The following MTOR variants were observed in gnomAD, a reference collection of about 807,000 sequenced individuals.
MTOR encodes the protein mechanistic target of rapamycin kinase.
MTOR carries 70 observed loss-of-function variants against 319.8 expected under a neutral mutation model. The observed-to-expected ratio is 0.22, with a 90% confidence interval of 0.18 to 0.27. The LOEUF (loss-of-function observed/expected upper bound fraction) is 0.27. Among genes scored for constraint, MTOR ranks in the 10% least tolerant of loss-of-function variants. The pLI, the probability that MTOR is intolerant of heterozygous loss-of-function variation, is 1.00. For synonymous variants in MTOR, 1,183 were observed against 1,211.4 expected (o/e 0.98, Z 0.49); for missense variants, 1,890 against 3,274.4 (o/e 0.58, Z 10.32).
At chr1:11,221,827 TAGTAA>T (rs200715715) in intron 19 of MTOR, among the ~76,000 whole-genome samples, 1,785 of 150,374 alleles carry the variant, frequency 0.012, 47 homozygotes, top group African/African-American at 0.04. Flanking sequence ...AACACACAAG[TAGTAA>T]AGTAAATGAC....
At chr1:11,142,115 G>T (rs1001802963) in intron 34 of MTOR, among the ~76,000 whole-genome samples, 3 of 152,124 alleles carry the variant, frequency 2.0e-5, no homozygotes, top group East Asian at 3.8e-4. Flanking sequence ...GGTTGGGGAC[G>T]GCTGCCTAAG....
intron 29 of MTOR, among the ~76,000 whole-genome samples, chr1:11,160,969 G>A (rs761494592): frequency 5.9e-5 from 9 of 152,166 alleles, no homozygotes; most frequent in Non-Finnish European, 1.2e-4. Flanking sequence ...TGGAATGTAA[G>A]CCAAAGCAGG....
intron 28 of MTOR, among the ~76,000 whole-genome samples, chr1:11,173,283 C>G (rs1278796704): frequency 1.3e-5 from 2 of 151,956 alleles, no homozygotes; most frequent in Non-Finnish European, 2.9e-5. Flanking sequence ...TGTGAGCCAC[C>G]TCGCCTAGCC....
In MTOR at chr1:11,130,194, A is replaced by T. The variant is rs1643061844; in HGVS notation, c.5613+335T>A. ...AGTGGAAGTGGAGAGAAAAAGGCAG[A>T]GGATGGACCTCCCAAGCCCCATCCT... is the stretch of plus-strand genomic sequence containing the variant. On this transcript the variant is annotated intron_variant, in intron 39 of 57. Transcript: ENST00000361445. 3.9e-5 allele frequency among the ~76,000 whole-genome samples: 6 copies of T among 152,310 alleles called. No homozygotes were observed. In the South Asian group the frequency reaches 1.2e-3, roughly 32 times the overall value.
chr1:11,108,653 C>T (rs1019375169), intron 56 of MTOR, among the ~76,000 whole-genome samples: 12 of 146,050 alleles, frequency 8.2e-5, no homozygotes, highest in Non-Finnish European at 1.3e-4. Context: ...GTGGAGGTTG[C>T]AGTGGGCCAA....
intron 29 of MTOR, among the ~76,000 whole-genome samples, chr1:11,159,158 A>G (rs1266775100): frequency 6.6e-6 from 1 of 152,210 alleles, no homozygotes. Context: ...TGTCTCAATC[A>G]GCACTTTCTG....
At chr1:11,217,132 G>C (rs1258247692) in intron 19 of MTOR, among the ~76,000 whole-genome samples, 1 of 152,064 alleles carries the variant, frequency 6.6e-6, no homozygotes, top group East Asian at 1.9e-4. Flanking sequence ...ATGTCTCTGA[G>C]AGATTATGAG....
At chr1:11,171,707 A>G (rs1006736870) in intron 28 of MTOR, among the ~76,000 whole-genome samples, 2 of 152,086 alleles carry the variant, frequency 1.3e-5, no homozygotes, top group Non-Finnish European at 2.9e-5. Context: ...TTTGCAAATT[A>G]AAAATGTAAA....
chr1:11,205,190 T>C (rs540086276), intron 25 of MTOR, among the ~76,000 whole-genome samples: 6 of 151,866 alleles, frequency 4.0e-5, no homozygotes, highest in African/African-American at 1.5e-4. Context: ...GAAAAAGGGG[T>C]TGAACAGATT....
Position 11,109,438 on chromosome 1 carries a change from G to T in MTOR, c.7448-68C>A. 2 of 1,437,358 alleles carry T rather than the reference G, an allele frequency of 1.4e-6. No individual in the cohort carries two copies. Among genetic ancestry groups the T allele is most frequent in the Middle Eastern group, 1.8e-4 (1 of 5,626 alleles). 89.0% of individuals were successfully genotyped at this position (1,437,358 alleles called of 1,614,324 possible). A position where few individuals can be genotyped will look rare whatever the true frequency, so the allele number is the denominator to read the frequency against. ...ATACAACAGGTTCAATGGGTGCCCTGTTTTTCTCAAATATTCACTTTTGTA... is the reference window on the plus strand; with the variant it reads ...ATACAACAGGTTCAATGGGTGCCCTTTTTTTCTCAAATATTCACTTTTGTA... On this transcript the variant is annotated intron_variant, in intron 55 of 57. Coordinates refer to ENST00000361445, the MANE Select transcript of MTOR (RefSeq NM_004958.4). The surrounding 1 kb of genome is among the most constrained non-coding windows in gnomAD (Gnocchi z 4.0).
chr1:11,112,734 A>G, intron 54 of MTOR, 118 bp downstream of exon 54: 1 of 1,066,400 alleles, frequency 9.4e-7, no homozygotes, highest in Non-Finnish European at 1.4e-6. Context: ...CACTCTGCAC[A>G]AGGGGGAGAG....
chr1:11,126,915 C>A (rs1304567647), intron 45 of MTOR, 95 bp downstream of exon 45: 1 of 1,577,514 alleles, frequency 6.3e-7, no homozygotes, highest in Non-Finnish European at 8.6e-7. Context: ...GAAGTAAAAC[C>A]AGATGCTTTG....
In MTOR at chr1:11,213,256, T is replaced by C. The variant is rs972894894; in HGVS notation, c.3285+143A>G. The stretch of plus-strand genomic sequence containing the variant: ...ACAGACATTCTGTAAACTGCACACA[T>C]TGGGTATTAGTATTCTTGGGATTCT... On this transcript the variant is annotated intron_variant, in intron 21 of 57. Coordinates refer to ENST00000361445, the MANE Select transcript of MTOR (RefSeq NM_004958.4). The C allele has an allele frequency of 3.8e-6, 3 of 784,712 alleles. No individual in the cohort carries two copies. The African/African-American group carries it at 5.2e-5, about 14-fold the overall frequency. The allele number at this position is 784,712 out of a possible 1,614,324, so 48.6% of individuals were successfully genotyped here.
chr1:11,206,378 G>C (rs1274133772), intron 25 of MTOR, among the ~76,000 whole-genome samples: 2 of 152,206 alleles, frequency 1.3e-5, no homozygotes, highest in Non-Finnish European at 2.9e-5. Context: ...CTGGAGTCAT[G>C]CTATCTAGGT....
chr1:11,111,026 G>C (rs1363517051), intron 54 of MTOR: 1 of 433,106 alleles, frequency 2.3e-6, no homozygotes, highest in Non-Finnish European at 4.6e-6. Flanking sequence ...ACCAGTATAA[G>C]CTCCCCCAGA....
At chr1:11,262,141 C>T (rs1043153878) in intron 1 of MTOR, among the ~76,000 whole-genome samples, 5 of 152,136 alleles carry the variant, frequency 3.3e-5, no homozygotes, top group Non-Finnish European at 5.9e-5. Flanking sequence ...ATACGTGGCT[C>T]AAAAGAAAGG....
intron 19 of MTOR, among the ~76,000 whole-genome samples, chr1:11,220,537 G>C (rs1646628747): frequency 6.6e-6 from 1 of 152,162 alleles, no homozygotes; most frequent in African/African-American, 2.4e-5. Flanking sequence ...CTCTAATATG[G>C]AAGACAGGGT....
chr1:11,253,769 G>A, intron 6 of MTOR, 70 bp downstream of exon 6: 1 of 1,569,818 alleles, frequency 6.4e-7, no homozygotes, highest in East Asian at 2.2e-5. Context: ...TGAGGACATG[G>A]ATCTCGCCTT....
intron 28 of MTOR, among the ~76,000 whole-genome samples, chr1:11,190,537 A>G (rs2100704314): frequency 6.6e-6 from 1 of 152,310 alleles, no homozygotes; most frequent in South Asian, 2.1e-4. Flanking sequence ...AAGGTTCCTC[A>G]ATTGTGATAC....
Sources: allele counts gnomAD v4.1 joint callset (sites outside exome capture counted in the v4.1 genomes callset), GRCh38; gene constraint gnomAD v4.1.1; non-coding constraint Gnocchi (gnomAD v3.1); transcripts MANE v1.5; gene names NCBI Gene and HGNC (gene_info 2026-07-23, HGNC 2026-07-21).